Variants in PLEKHH2 observed in about 807,000 individuals in gnomAD.
The protein encoded by PLEKHH2 is pleckstrin homology domain-containing family H member 2.
Under a neutral mutation model 187.9 loss-of-function variants are expected in PLEKHH2, and 129 were observed. The ratio of observed to expected loss-of-function variants is 0.69; its 90% CI spans 0.59 to 0.79. The LOEUF is 0.79. Ranked by LOEUF, PLEKHH2 falls within the 30% of genes least tolerant of loss-of-function variation. PLEKHH2 has a pLI of 0.00. For missense variants in PLEKHH2, 2,076 were observed against 1,751.2 expected, an observed-to-expected ratio of 1.19 and a Z score of -3.31; for synonymous variants, 686 against 605.6, an observed-to-expected ratio of 1.13 and a Z score of -1.95.
intron 9 of PLEKHH2, among the ~76,000 whole-genome samples, chr2:43,705,445 T>TG (rs373108950): frequency 1.1e-4 from 16 of 151,882 alleles, no homozygotes; most frequent in Middle Eastern, 3.4e-3. Context: ...TTTGTGGAGA[T>TG]GGGGGTCTCA....
intron 14 of PLEKHH2, 32 bp downstream of exon 14, chr2:43,710,607 T>TTTTTTTTTTTA: frequency 6.5e-7 from 1 of 1,537,136 alleles, no homozygotes; most frequent in Non-Finnish European, 8.7e-7. Flanking sequence ...TTTTTTTTTT[T>TTTTTTTTTTTA]TGTATCATGC....
chr2:43,676,889 C>T (rs1038075216), intron 2 of PLEKHH2, among the ~76,000 whole-genome samples: 20 of 152,304 alleles, frequency 1.3e-4, no homozygotes, highest in African/African-American at 4.3e-4. Context: ...CATGAGAACA[C>T]ACCACTTCCT....
At chr2:43,712,000 A>C (rs1360693660) in intron 14 of PLEKHH2, 10 of 1,270,122 alleles carry the variant, frequency 7.9e-6, no homozygotes, top group Non-Finnish European at 9.0e-6. Context: ...AATTAGGTAA[A>C]CTGGAGTAAC....
At position 43,702,527 on chromosome 2, in the gene PLEKHH2, CTTTT is replaced by C. The variant is rs1167078689; in HGVS notation, c.1651-1435_1651-1432del. On this transcript the variant is annotated intron_variant, in intron 8 of 29. Coordinates refer to ENST00000282406, the MANE Select transcript of PLEKHH2 (RefSeq NM_172069.4). ...TTTTATTTGGCAACCCATTCTACTA[CTTTT>C]TTTTTTTTTTTTTTTTTTCCATTCT... is the stretch of plus-strand genomic sequence containing the variant. Among the ~76,000 whole-genome samples the C allele has an allele frequency of 5.8e-3, 333 of 57,422 alleles. 1 individual carries two copies. Among genetic ancestry groups the C allele is most frequent in the Middle Eastern group, 0.034 (2 of 58 alleles). 37.7% of individuals were successfully genotyped at this position (57,422 alleles called of 152,430 possible). A position where few individuals can be genotyped will look rare whatever the true frequency, so the allele number is the denominator to read the frequency against.
chr2:43,678,674 C>T (rs989365077), intron 2 of PLEKHH2, among the ~76,000 whole-genome samples, 189 bp from the exon 3 acceptor site: 9 of 151,432 alleles, frequency 5.9e-5, no homozygotes, highest in South Asian at 2.1e-4. Context: ...AGTCCAGCTT[C>T]GGCTCGGCAT....
At chr2:43,668,702 A>G (rs535286245) in intron 2 of PLEKHH2, among the ~76,000 whole-genome samples, 8 of 152,316 alleles carry the variant, frequency 5.3e-5, no homozygotes, top group African/African-American at 1.4e-4. Flanking sequence ...GCCCAGCACA[A>G]TGGTACCTGT....
At chr2:43,667,211 ACTCT>A (rs976518469) in intron 2 of PLEKHH2, among the ~76,000 whole-genome samples, 3 of 151,776 alleles carry the variant, frequency 2.0e-5, no homozygotes, top group Non-Finnish European at 4.4e-5. Context: ...TGTTGAAAAG[ACTCT>A]CTCCTCTCTC....
chr2:43,678,293 C>G (rs1296077995), intron 2 of PLEKHH2, among the ~76,000 whole-genome samples: 1 of 152,148 alleles, frequency 6.6e-6, no homozygotes, highest in African/African-American at 2.4e-5. Flanking sequence ...ACGCTCCTCA[C>G]TTCCCAGACG....
At chr2:43,676,418 T>G (rs1667794372) in intron 2 of PLEKHH2, 4 of 965,910 alleles carry the variant, frequency 4.1e-6, no homozygotes, top group Non-Finnish European at 6.0e-6. Context: ...GCGCTCCCGG[T>G]TGGGCCACTC....
intron 2 of PLEKHH2, among the ~76,000 whole-genome samples, chr2:43,678,222 C>T (rs1667961869): frequency 6.6e-6 from 1 of 150,458 alleles, no homozygotes; most frequent in Non-Finnish European, 1.5e-5. Context: ...CCTCACTTTC[C>T]AGACTGGGCA....
chr2:43,699,403 G>C (rs1034791734), intron 7 of PLEKHH2, among the ~76,000 whole-genome samples: 2 of 152,116 alleles, frequency 1.3e-5, no homozygotes, highest in African/African-American at 4.8e-5. Context: ...AATAGAGGCA[G>C]GGTCTTGCTC....
chr2:43,679,280 G>T (rs1034826183), intron 3 of PLEKHH2, among the ~76,000 whole-genome samples: 1 of 151,840 alleles, frequency 6.6e-6, no homozygotes, highest in Admixed American at 6.6e-5. Flanking sequence ...TATTATAGAA[G>T]AATGAAAAAG....
chr2:43,667,879 C>G (rs753713593), intron 2 of PLEKHH2, among the ~76,000 whole-genome samples: 2 of 151,994 alleles, frequency 1.3e-5, no homozygotes, highest in Non-Finnish European at 2.9e-5. Flanking sequence ...AGTTCCACAA[C>G]TCTGTGAATA....
chr2:43,726,044 G>C (rs993256349), intron 16 of PLEKHH2, among the ~76,000 whole-genome samples: 3 of 150,856 alleles, frequency 2.0e-5, no homozygotes, highest in Non-Finnish European at 4.4e-5. Flanking sequence ...CTGAAGCCCA[G>C]GAGTTCAAGG....
At chr2:43,709,288 T>C (rs947541753) in intron 11 of PLEKHH2, among the ~76,000 whole-genome samples, 3 of 152,210 alleles carry the variant, frequency 2.0e-5, no homozygotes, top group African/African-American at 7.2e-5. Flanking sequence ...TGAATTGTGT[T>C]TTTTTAAAAT....
At chr2:43,645,687 T>C (rs1312688454) in intron 2 of PLEKHH2, among the ~76,000 whole-genome samples, 1 of 152,188 alleles carries the variant, frequency 6.6e-6, no homozygotes, top group Admixed American at 6.5e-5. Flanking sequence ...AAATAGGCAA[T>C]ATTAAAATTA....
chr2:43,697,042 T>TA, intron 6 of PLEKHH2, 129 bp from the exon 7 acceptor site: 1 of 653,408 alleles, frequency 1.5e-6, no homozygotes, highest in Non-Finnish European at 2.5e-6. Context: ...TGTACATCAA[T>TA]AAAGATGAAC....
chr2:43,711,267 A>C, intron 14 of PLEKHH2: 1 of 985,456 alleles, frequency 1.0e-6, no homozygotes, highest in Non-Finnish European at 1.2e-6. Flanking sequence ...AAGGTACATT[A>C]TCAATGTTTC....
Position 43,695,256 on chromosome 2 carries a change from G to A in PLEKHH2, c.502+32G>A, listed in dbSNP as rs1446649140. The A allele has an allele frequency of 4.6e-6, 6 of 1,295,750 alleles. No individual in the cohort carries two copies. In the South Asian group the frequency reaches 7.5e-5, roughly 16 times the overall value. 80.3% of individuals were successfully genotyped at this position (1,295,750 alleles called of 1,614,324 possible). On this transcript the variant is annotated intron_variant, in intron 6 of 29. Coordinates refer to ENST00000282406, the MANE Select transcript of PLEKHH2 (RefSeq NM_172069.4). ...ATACTTTACTAAGATAGCTTAGTTG[G>A]ATTTATTTGACTATATAGGCTTTTA...
Sources: allele counts gnomAD v4.1 joint callset (sites outside exome capture counted in the v4.1 genomes callset), GRCh38; gene constraint gnomAD v4.1.1; transcripts MANE v1.5; gene names NCBI Gene and HGNC (gene_info 2026-07-23, HGNC 2026-07-21).